The following LRRC57 variants were observed in gnomAD, a reference collection of about 807,000 sequenced individuals.
The protein encoded by LRRC57 is leucine-rich repeat-containing protein 57.
In LRRC57, 14 loss-of-function variants were observed where a neutral mutation model predicts 23.1. The ratio of observed to expected loss-of-function variants is 0.61; its 90% CI spans 0.40 to 0.95. LRRC57 has a LOEUF of 0.95. Among genes scored for constraint, LRRC57 ranks in the 40% least tolerant of loss-of-function variants. The probability of loss-of-function intolerance (pLI) is 0.00; values close to 1 mark genes in which losing one functional copy is unlikely to be tolerated. For synonymous variants in LRRC57, 106 were observed against 115.2 expected (o/e 0.92, Z 0.51); for missense variants, 236 against 284.4 (o/e 0.83, Z 1.22).
At chr15:42,537,684 C>T (rs943011237), downstream of LRRC57, 4 of 152,244 alleles carry the variant, frequency 2.6e-5, no homozygotes, top group East Asian at 7.7e-4. Flanking sequence ...TGTGTATATA[C>T]ACAGTGGAAT....
downstream of LRRC57, among the ~76,000 whole-genome samples, chr15:42,535,971 A>T (rs2057598870): frequency 6.6e-6 from 1 of 152,144 alleles, no homozygotes; most frequent in Non-Finnish European, 1.5e-5. Flanking sequence ...CCAGCTACTG[A>T]GGAGGCTGAG....
At chr15:42,545,329 T>G in intron 4 of LRRC57, 67 bp from the exon 5 acceptor site, 1 of 1,132,772 alleles carries the variant, frequency 8.8e-7, no homozygotes, top group Non-Finnish European at 1.2e-6. Flanking sequence ...TTTTAGTACA[T>G]TAAAACAAAA....
At chr15:42,528,534 A>G in the LRRC57 span, 1 of 1,047,780 alleles carries the variant, frequency 9.5e-7, no homozygotes, top group South Asian at 1.7e-5. Context: ...TATTTATTCC[A>G]TTTTTAAAAT....
chr15:42,541,066 T>A lies in LRRC57; in HGVS notation c.*3017A>T, dbSNP rs934260800. 2 of 152,054 alleles carry A rather than the reference T, an allele frequency of 1.3e-5. No homozygotes were observed. The highest frequency in any genetic ancestry group is 1.3e-4 in the Admixed American group (2 of 15,254). The allele number at this position is 152,054 out of a possible 1,614,324, so 9.4% of individuals were successfully genotyped here. On this transcript the variant is annotated 3_prime_UTR_variant, in exon 6 of 6. Transcript: ENST00000397130. ...AAAAAAATGTATAAGTTCTGATTTA[T>A]TAGATGAGAAGTACTGATAAAACAC...
rs369100348 is a variant in LRRC57 at position 42,539,736 on chromosome 15, G to A, written c.*4347C>T. On this transcript the variant is annotated 3_prime_UTR_variant, in exon 6 of 6. Coordinates refer to ENST00000397130, the MANE Select transcript of LRRC57 (RefSeq NM_153260.3). ...TATTTAAATCTAAATCTTGTTTGCT[G>A]TAACTTTGGGCATATTACTGTATAT... 1 of 152,172 alleles carries A rather than the reference G, an allele frequency of 6.6e-6. No individual in the cohort carries two copies. The highest frequency in any genetic ancestry group is 2.4e-5 in the African/African-American group (1 of 41,428). The allele number at this position is 152,172 out of a possible 1,614,324, so 9.4% of individuals were successfully genotyped here.
At chr15:42,534,321 G>C (rs549226823), downstream of LRRC57, among the ~76,000 whole-genome samples, 88 of 152,134 alleles carry the variant, frequency 5.8e-4, no homozygotes, top group Admixed American at 1.6e-3. Flanking sequence ...AGTAGAGACA[G>C]GGTTTCACCA....
downstream of LRRC57, among the ~76,000 whole-genome samples, chr15:42,534,899 A>G (rs771597171): frequency 1.3e-5 from 2 of 152,216 alleles, no homozygotes; most frequent in Non-Finnish European, 1.5e-5. Flanking sequence ...TCCAGGTTTC[A>G]TTGTTCCATT....
chr15:42,543,328 T>C lies in LRRC57; in HGVS notation c.*755A>G, dbSNP rs2057640702. On this transcript the variant is annotated 3_prime_UTR_variant, in exon 6 of 6. Coordinates refer to ENST00000397130, the MANE Select transcript of LRRC57 (RefSeq NM_153260.3). ...GATTCTCCTGCCTCAGCCTCCCAAG[T>C]AGCTGGGATTATAAGCATGCACCAA... 2 of 152,412 alleles carry C rather than the reference T, an allele frequency of 1.3e-5. No homozygotes were observed. Among genetic ancestry groups the C allele is most frequent in the Non-Finnish European group, 2.9e-5 (2 of 68,166 alleles). 9.4% of individuals were successfully genotyped at this position (152,412 alleles called of 1,614,324 possible).
chr15:42,544,945 T>C, intron 5 of LRRC57, 132 bp downstream of exon 5: 2 of 636,892 alleles, frequency 3.1e-6, no homozygotes, highest in Non-Finnish European at 5.2e-6. Flanking sequence ...ATTCAGCCAA[T>C]GCTTTGAATC....
At chr15:42,537,164 G>T (rs80018060), downstream of LRRC57, among the ~76,000 whole-genome samples, 2 of 151,304 alleles carry the variant, frequency 1.3e-5, no homozygotes, top group Non-Finnish European at 2.9e-5. Context: ...GGATCACTTG[G>T]GCTCAGGTGT....
At chr15:42,534,428 C>G (rs1170508363), downstream of LRRC57, among the ~76,000 whole-genome samples, 1 of 152,194 alleles carries the variant, frequency 6.6e-6, no homozygotes, top group African/African-American at 2.4e-5. Flanking sequence ...CACACCCGGC[C>G]TCCTCCACTG....
the LRRC57 span, chr15:42,529,558 C>T: frequency 9.9e-7 from 1 of 1,011,502 alleles, no homozygotes; most frequent in Non-Finnish European, 1.5e-6. Flanking sequence ...AACCTATATT[C>T]TTTTGGATCT....
chr15:42,539,893 A>G lies in LRRC57; in HGVS notation c.*4190T>C, dbSNP rs892194837. On this transcript the variant is annotated 3_prime_UTR_variant, in exon 6 of 6. Coordinates refer to ENST00000397130, the MANE Select transcript of LRRC57 (RefSeq NM_153260.3). ...AGAGGCTTAGACATACAGAATGAGC[A>G]TATTAATTAAGAGAGGGCAGGCTGG... The G allele has an allele frequency of 6.6e-6, 1 of 152,174 alleles. No homozygotes were observed. The highest frequency in any genetic ancestry group is 2.4e-5 in the African/African-American group (1 of 41,430). 9.4% of individuals were successfully genotyped at this position (152,174 alleles called of 1,614,324 possible).
Position 42,542,120 on chromosome 15 carries a change from C to G in LRRC57, c.*1963G>C, listed in dbSNP as rs1432038881. 2 of 150,148 alleles carry G rather than the reference C, an allele frequency of 1.3e-5. No homozygotes were observed. Among genetic ancestry groups the G allele is most frequent in the African/African-American group, 4.9e-5 (2 of 40,578 alleles). The allele number at this position is 150,148 out of a possible 1,614,324, so 9.3% of individuals were successfully genotyped here. ...GCCCAGGCTGGAGTTCAATGGCACC[C>G]TCACTGCAAGCTCCGCCTCCCGGTT... On this transcript the variant is annotated 3_prime_UTR_variant, in exon 6 of 6. Transcript: ENST00000397130.
the LRRC57 span, chr15:42,529,595 A>T: frequency 1.4e-6 from 2 of 1,443,922 alleles, no homozygotes; most frequent in Non-Finnish European, 1.9e-6. Flanking sequence ...CATTTTGGTT[A>T]CTTACTTTTG....
At chr15:42,547,860 T>A in intron 3 of LRRC57, 1 of 560,584 alleles carries the variant, frequency 1.8e-6, no homozygotes, top group Non-Finnish European at 3.1e-6. Flanking sequence ...TTACATTACA[T>A]CCCCAAAATG....
chr15:42,529,618 C>G, the LRRC57 span: 1 of 1,573,598 alleles, frequency 6.4e-7, no homozygotes, highest in Non-Finnish European at 8.6e-7. Flanking sequence ...AAAAGTAAAT[C>G]CAGACTTTTA....
At chr15:42,536,262 C>T (rs1161331926), downstream of LRRC57, among the ~76,000 whole-genome samples, 1 of 152,160 alleles carries the variant, frequency 6.6e-6, no homozygotes, top group Non-Finnish European at 1.5e-5. Context: ...GATAGACTTG[C>T]TCGATGTAGG....
rs61368952 is a variant in LRRC57 at position 42,543,876 on chromosome 15, C to T, written c.*207G>A. On this transcript the variant is annotated 3_prime_UTR_variant, in exon 6 of 6. Coordinates refer to ENST00000397130, the MANE Select transcript of LRRC57 (RefSeq NM_153260.3). ...CCTACTCATGACTCAAAACGGAAGA[C>T]TTTTCCTGTCTCCTGATCCTTTTTC... The T allele has an allele frequency of 0.021, 9,735 of 454,320 alleles. 688 individuals are homozygous for T. Among genetic ancestry groups the T allele is most frequent in the African/African-American group, 0.16 (8,213 of 51,434 alleles). The allele number at this position is 454,320 out of a possible 1,614,324, so 28.1% of individuals were successfully genotyped here. A position where few individuals can be genotyped will look rare whatever the true frequency, so the allele number is the denominator to read the frequency against.
Sources: allele counts gnomAD v4.1 joint callset (sites outside exome capture counted in the v4.1 genomes callset), GRCh38; gene constraint gnomAD v4.1.1; transcripts MANE v1.5; gene names NCBI Gene and HGNC (gene_info 2026-07-23, HGNC 2026-07-21).